PC: variants seen among roughly 807,000 people sequenced by gnomAD.
PC encodes pyruvate carboxylase, mitochondrial.
A neutral mutation model predicts 107.8 loss-of-function variants in PC; 46 were observed. That is an observed-to-expected ratio of 0.43 (90% CI 0.34 to 0.55). The LOEUF (loss-of-function observed/expected upper bound fraction) is 0.55, where lower values mean the gene tolerates loss of function less well. Ranked by LOEUF, PC falls within the 20% of genes least tolerant of loss-of-function variation. The pLI, the probability that PC is intolerant of heterozygous loss-of-function variation, is 0.04. For missense variants in PC, 1,241 were observed against 1,643.1 expected (o/e 0.76, Z 4.23); for synonymous variants, 662 against 684.7 (o/e 0.97, Z 0.52).
chr11:66,883,002 G>A (rs1026416365), intron 3 of PC, among the ~76,000 whole-genome samples: 3 of 152,308 alleles, frequency 2.0e-5, no homozygotes, highest in African/African-American at 2.4e-5. Context: ...TACCAAAGAC[G>A]GAAACAGACA....
intron 3 of PC, among the ~76,000 whole-genome samples, chr11:66,949,261 G>T (rs1054004613): frequency 1.3e-5 from 2 of 151,524 alleles, no homozygotes; most frequent in Non-Finnish European, 2.9e-5. Context: ...CAAAGTGCTA[G>T]GATTACAGGC....
chr11:66,857,890 G>A lies in PC; in HGVS notation c.1369-4507C>T. 1.2e-6 allele frequency: 2 copies of A among 1,611,626 alleles called. No individual in the cohort carries two copies. Among genetic ancestry groups the A allele is most frequent in the Non-Finnish European group, 8.5e-7 (1 of 1,179,904 alleles). ...TTTGTGCCGCCCAACGTGGACCGGC[G>A]CACAGTGGAGCTGCGGCTGGCTGAC... is the stretch of plus-strand genomic sequence containing the variant. On this transcript the variant is annotated intron_variant, in intron 12 of 22. Transcript: ENST00000393960. The surrounding 1 kb of genome is among the most constrained non-coding windows in gnomAD (Gnocchi z 7.1).
At chr11:66,948,043 A>ATAGG (rs1482857874) in intron 3 of PC, among the ~76,000 whole-genome samples, 2 of 151,274 alleles carry the variant, frequency 1.3e-5, no homozygotes, top group African/African-American at 4.9e-5. Context: ...AGATAGATAG[A>ATAGG]TAGATAGATA....
chr11:66,859,301 C>T (rs1591153653), intron 12 of PC, among the ~76,000 whole-genome samples: 1 of 152,194 alleles, frequency 6.6e-6, no homozygotes, highest in African/African-American at 2.4e-5. Context: ...AAGGACCCCA[C>T]CCCGAGATGT....
chr11:66,854,848 CCT>C (rs1434355123), intron 12 of PC, among the ~76,000 whole-genome samples: 5 of 152,216 alleles, frequency 3.3e-5, no homozygotes, highest in Non-Finnish European at 7.3e-5. Flanking sequence ...CCTGTCTGCC[CCT>C]GAGCCTCGCC....
In PC at chr11:66,851,121, G is replaced by C. The variant is rs1945464815; in HGVS notation, c.2142C>G (p.Ser714Arg). The change falls in exon 17 of 23, where the codon AGC becomes AGG. Residue 714 changes from serine (S) to arginine (R), a missense_variant. Ser to Arg is a moderately radical substitution (Grantham distance 110, BLOSUM62 -1). This residue lies in a region of PC where 1,143 missense variants were observed against 1,551.9 expected (regional missense o/e 0.74). Transcript: ENST00000393960. Reference sequence around the variant, plus strand: ...AGTACTGCAGTGAGTACTTGGTGCGGCTGGGGTCGGCCACGTCGCCCGTGT... The same window carrying C: ...AGTACTGCAGTGAGTACTTGGTGCGCCTGGGGTCGGCCACGTCGCCCGTGT... ...ISYTGDVADP[S>R]RTKYSLQYYM... 1.2e-6 allele frequency: 2 copies of C among 1,612,946 alleles called. No individual in the cohort carries two copies. Among genetic ancestry groups the C allele is most frequent in the South Asian group, 2.2e-5 (2 of 91,092 alleles).
intron 3 of PC, among the ~76,000 whole-genome samples, chr11:66,901,161 G>C (rs1947942970): frequency 6.6e-6 from 1 of 152,190 alleles, no homozygotes; most frequent in South Asian, 2.1e-4. Flanking sequence ...TTTGGGGAAA[G>C]GCTACCTGGT....
rs1185918159 is a variant in PC at position 66,945,419 on chromosome 11, G to GA, written c.-1+7010_-1+7011insT. ...TAGATTAACTGAATTCAAATGGTTT[G>GA]GGGGGGCGGGTCGGAACTGCAGAGT... On this transcript the variant is annotated intron_variant, in intron 3 of 22. Transcript: ENST00000393960. Among the ~76,000 whole-genome samples the GA allele has an allele frequency of 8.5e-4, 10 of 11,808 alleles. 2 individuals are homozygous for GA. In the Admixed American group the frequency reaches 0.013, roughly 15 times the overall value. 7.7% of individuals were successfully genotyped at this position (11,808 alleles called of 152,430 possible). A position where few individuals can be genotyped will look rare whatever the true frequency, so the allele number is the denominator to read the frequency against.
At chr11:66,939,932 C>T (rs1308441786) in intron 3 of PC, among the ~76,000 whole-genome samples, 1 of 149,978 alleles carries the variant, frequency 6.7e-6, no homozygotes, top group Non-Finnish European at 1.5e-5. Flanking sequence ...AAACATAAGA[C>T]CTAAAATGAC....
chr11:66,941,947 A>G (rs890883954), intron 3 of PC, among the ~76,000 whole-genome samples: 1 of 152,188 alleles, frequency 6.6e-6, no homozygotes, highest in African/African-American at 2.4e-5. Flanking sequence ...TAATAAAAAT[A>G]TAAAATTAGC....
chr11:66,849,631 T>G lies in PC; in HGVS notation c.3127A>C (p.Lys1043Gln), dbSNP rs1470869408. The G allele has an allele frequency of 6.2e-7, 1 of 1,614,010 alleles. No individual in the cohort carries two copies. The highest frequency in any genetic ancestry group is 8.5e-7 in the Non-Finnish European group (1 of 1,180,026). ...CTGACCTCAAACTCCTCTGCGATCT[T>G]GGGTCCCTGCAGGAAGAGGCGAGTA... ...LNTRLFLQGPKIAEEFEVELE... is the reference protein window; with the variant it reads ...LNTRLFLQGPQIAEEFEVELE... Residue 1043 changes from lysine to glutamine, a missense_variant, in exon 21 of 23, where the codon AAG becomes CAG. By Grantham distance (53) the Lys-to-Gln change is moderately conservative. Coordinates refer to ENST00000393960, the MANE Select transcript of PC (RefSeq NM_001040716.2).
At chr11:66,955,562 T>C (rs538179077) in intron 1 of PC, among the ~76,000 whole-genome samples, 14 of 152,126 alleles carry the variant, frequency 9.2e-5, no homozygotes, top group African/African-American at 2.6e-4. Flanking sequence ...TGAGGAAACT[T>C]TGGATGACAG....
intron 3 of PC, among the ~76,000 whole-genome samples, chr11:66,924,204 A>G (rs867404665): frequency 5.7e-5 from 8 of 140,282 alleles, no homozygotes; most frequent in Middle Eastern, 7.4e-3. Flanking sequence ...TCTATCTCAG[A>G]AAAAAAAAAA....
At chr11:66,930,637 G>A (rs542318183) in intron 3 of PC, among the ~76,000 whole-genome samples, 1 of 152,032 alleles carries the variant, frequency 6.6e-6, no homozygotes, top group Non-Finnish European at 1.5e-5. Context: ...AGCTACTTGG[G>A]AGGTTGAGAC....
Position 66,853,319 on chromosome 11 carries a change from G to A in PC, c.1433C>T (p.Thr478Ile). Residue 478 changes from threonine to isoleucine, a missense_variant, in exon 13 of 23, where the codon ACC (threonine) becomes ATC (isoleucine). Physicochemically the swap from Thr to Ile is moderately conservative, Grantham distance 89. Transcript: ENST00000393960. ...CTCTGGGTTCTCGTCGATGAACTGG[G>A]TGTCCACAGTGCCTGCCAGGAACTG... is the stretch of plus-strand genomic sequence containing the variant. ...NQQFLAGTVD[T>I]QFIDENPELF... The A allele has an allele frequency of 1.9e-6, 3 of 1,614,142 alleles. No homozygotes were observed. Among genetic ancestry groups the A allele is most frequent in the Non-Finnish European group, 2.5e-6 (3 of 1,180,006 alleles).
At chr11:66,951,111 G>T (rs957839165) in intron 3 of PC, among the ~76,000 whole-genome samples, 2 of 152,114 alleles carry the variant, frequency 1.3e-5, no homozygotes, top group African/African-American at 4.8e-5. Context: ...ACCAGCTCCT[G>T]CGTCATGAAG....
intron 3 of PC, among the ~76,000 whole-genome samples, chr11:66,950,069 A>C (rs1949401312): frequency 6.6e-6 from 1 of 152,178 alleles, no homozygotes; most frequent in Admixed American, 6.5e-5. Flanking sequence ...ATATTAATAC[A>C]TTTCACATTG....
chr11:66,911,539 T>C (rs893434393), intron 3 of PC, among the ~76,000 whole-genome samples: 17 of 151,984 alleles, frequency 1.1e-4, no homozygotes, highest in African/African-American at 3.6e-4. Flanking sequence ...CACTTGTAAA[T>C]AGCCACTGCA....
intron 3 of PC, among the ~76,000 whole-genome samples, chr11:66,884,689 T>A (rs1290114405): frequency 6.6e-6 from 1 of 152,182 alleles, no homozygotes. Flanking sequence ...ATCTTGGACT[T>A]CCAGCCTCCA....
Sources: gnomAD v4.1 joint callset for allele counts (sites outside exome capture counted in the v4.1 genomes callset) on GRCh38, gnomAD v4.1.1 for gene constraint, gnomAD v4.1.1 regional missense constraint, Gnocchi (gnomAD v3.1) non-coding constraint, MANE v1.5 for transcripts, NCBI Gene and HGNC (gene_info 2026-07-23, HGNC 2026-07-21) for gene names.